HPRT1: variants seen among roughly 807,000 people sequenced by gnomAD.
The protein encoded by HPRT1 is hypoxanthine-guanine phosphoribosyltransferase.
In HPRT1, 4 loss-of-function variants were observed where a neutral mutation model predicts 19.0. That is an observed-to-expected ratio of 0.21 (90% CI 0.10 to 0.48). HPRT1 has a LOEUF of 0.48. Among genes scored for constraint, HPRT1 ranks in the 20% least tolerant of loss-of-function variants. HPRT1 has a pLI of 0.98. For synonymous variants in HPRT1, 53 were observed against 54.9 expected (o/e 0.97, Z 0.15); for missense variants, 65 against 164.0 (o/e 0.40, Z 3.30).
chrX:134,481,833 A>G (rs772013902), intron 3 of HPRT1, among the ~76,000 whole-genome samples: 9 of 108,336 alleles, frequency 8.3e-5, no homozygotes, highest in African/African-American at 3.2e-4. Context: ...AAATTTTGTG[A>G]AAAAAAATTA....
At chrX:134,472,867 G>A (rs747058957) in intron 1 of HPRT1, among the ~76,000 whole-genome samples, 1 of 110,604 alleles carries the variant, frequency 9.0e-6, no homozygotes, top group African/African-American at 3.3e-5. Context: ...GAGCCACCGC[G>A]CCCAGCCTGT....
chrX:134,498,844 G>A (rs2077688123), intron 8 of HPRT1, among the ~76,000 whole-genome samples, 160 bp downstream of exon 8: 1 of 112,418 alleles, frequency 8.9e-6, no homozygotes, highest in South Asian at 3.7e-4. Flanking sequence ...CTTAGAACTG[G>A]AACCTGGCCA....
At chrX:134,486,688 C>T (rs2077654214) in intron 4 of HPRT1, 158 bp downstream of exon 4, 1 of 466,848 alleles carries the variant, frequency 2.1e-6, no homozygotes, top group African/African-American at 2.4e-5. Flanking sequence ...TTCCCTAGGT[C>T]ATGTAGTAAA....
chrX:134,460,193 G>A lies in HPRT1; in HGVS notation c.-119G>A. On this transcript the variant is annotated 5_prime_UTR_variant, in exon 1 of 9. Coordinates refer to ENST00000298556, the MANE Select transcript of HPRT1 (RefSeq NM_000194.3). ...TTCAGGCGGCTGCGACGAGCCCTCAGGCGAACCTCTCGGCTTTCCCGCGCG... is the reference window on the plus strand; with the variant it reads ...TTCAGGCGGCTGCGACGAGCCCTCAAGCGAACCTCTCGGCTTTCCCGCGCG... 1 of 798,118 alleles carries A rather than the reference G, an allele frequency of 1.3e-6. No homozygotes were observed. Among genetic ancestry groups the A allele is most frequent in the South Asian group, 2.3e-5 (1 of 43,836 alleles). The allele number at this position is 798,118 out of a possible 1,213,427, so 65.8% of individuals were successfully genotyped here.
In HPRT1 at chrX:134,498,663, T is replaced by A. The variant is rs2077687711; in HGVS notation, c.588T>A (p.Asn196Lys). The A allele has an allele frequency of 8.6e-7, 1 of 1,167,916 alleles. No individual in the cohort carries two copies. Among genetic ancestry groups the A allele is most frequent in the Non-Finnish European group, 1.2e-6 (1 of 855,225 alleles). The stretch of plus-strand genomic sequence containing the variant: ...TTGTAGGATATGCCCTTGACTATAA[T>A]GAATACTTCAGGGATTTGAATGTAA... ...KFVVGYALDYNEYFRDLNHVC... is the reference protein window; with the variant it reads ...KFVVGYALDYKEYFRDLNHVC... Residue 196 changes from asparagine (N) to lysine (K), a missense_variant, in exon 8 of 9, where the codon AAT becomes AAA. Coordinates refer to ENST00000298556, the MANE Select transcript of HPRT1 (RefSeq NM_000194.3).
At chrX:134,462,626 C>T (rs982818296) in intron 1 of HPRT1, among the ~76,000 whole-genome samples, 3 of 112,205 alleles carry the variant, frequency 2.7e-5, no homozygotes, top group South Asian at 7.3e-4. Context: ...CCTAGGTAGA[C>T]GCTTTTAGCT....
At chrX:134,499,649 G>C (rs1391709785) in intron 8 of HPRT1, among the ~76,000 whole-genome samples, 2 of 108,756 alleles carry the variant, frequency 1.8e-5, no homozygotes, top group Admixed American at 2.0e-4. Context: ...CTAAAAAATA[G>C]AAAAAATTAG....
At chrX:134,490,352 A>G (rs1368756414) in intron 5 of HPRT1, 147 bp downstream of exon 5, 1 of 323,301 alleles carries the variant, frequency 3.1e-6, no homozygotes, top group East Asian at 4.8e-5. Flanking sequence ...GGTTTTTTGT[A>G]AAGACTACTT....
At chrX:134,490,445 ACT>A (rs1278492876) in intron 5 of HPRT1, among the ~76,000 whole-genome samples, 1 of 102,486 alleles carries the variant, frequency 9.8e-6, no homozygotes, top group African/African-American at 3.6e-5. Context: ...TCTAAACATA[ACT>A]CTCTCTCTCT....
At chrX:134,471,088 CTTTAA>C (rs2077609402) in intron 1 of HPRT1, among the ~76,000 whole-genome samples, 1 of 103,440 alleles carries the variant, frequency 9.7e-6, no homozygotes, top group African/African-American at 3.5e-5. Context: ...GTATATTTTG[CTTTAA>C]TTTAATGTAT....
At chrX:134,492,562 T>A (rs1473248387) in intron 5 of HPRT1, 5 of 328,027 alleles carry the variant, frequency 1.5e-5, no homozygotes, top group Non-Finnish European at 2.4e-5. Context: ...GCCCGTTTTC[T>A]CACTGGCTGC....
intron 3 of HPRT1, among the ~76,000 whole-genome samples, chrX:134,475,684 G>C (rs1281887057): frequency 8.9e-6 from 1 of 111,809 alleles, no homozygotes; most frequent in African/African-American, 3.3e-5. Flanking sequence ...GGTTTGTGGG[G>C]AGTCAAAAGT....
At chrX:134,488,286 C>T (rs1219284329) in intron 4 of HPRT1, among the ~76,000 whole-genome samples, 3 of 109,663 alleles carry the variant, frequency 2.7e-5, no homozygotes, top group Non-Finnish European at 3.8e-5. Context: ...TACAGGCGCA[C>T]GCCACCATGC....
chrX:134,499,276 C>T (rs1433294493), intron 8 of HPRT1, among the ~76,000 whole-genome samples: 1 of 110,092 alleles, frequency 9.1e-6, no homozygotes. Context: ...GTCAGGAGTT[C>T]GAGACCAGCC....
chrX:134,460,406 G>A, intron 1 of HPRT1, 68 bp downstream of exon 1: 2 of 921,657 alleles, frequency 2.2e-6, no homozygotes, highest in Non-Finnish European at 2.8e-6. Flanking sequence ...CGGGCCCTGA[G>A]GCGCGGGATC....
At position 134,493,280 on chromosome X, in the gene HPRT1, C is replaced by T. The variant is rs17887208; in HGVS notation, c.403-228C>T. Among the ~76,000 whole-genome samples the T allele has an allele frequency of 0.014, 1,574 of 111,235 alleles. 32 individuals are homozygous for T. The highest frequency in any genetic ancestry group is 0.049 in the African/African-American group (1,494 of 30,587). ...CTAATAAAATGTGCATGTATATATTCAAATTTGCTGTCATTGATCCTGCAC... is the reference window on the plus strand; with the variant it reads ...CTAATAAAATGTGCATGTATATATTTAAATTTGCTGTCATTGATCCTGCAC... On this transcript the variant is annotated intron_variant, in intron 5 of 8. Coordinates refer to ENST00000298556, the MANE Select transcript of HPRT1 (RefSeq NM_000194.3).
chrX:134,460,223 C>G lies in HPRT1; in HGVS notation c.-89C>G. 3.0e-6 allele frequency: 3 copies of G among 995,611 alleles called. No individual in the cohort carries two copies. The highest frequency in any genetic ancestry group is 6.5e-4 in the Middle Eastern group (2 of 3,095). The allele number at this position is 995,611 out of a possible 1,213,427, so 82.0% of individuals were successfully genotyped here. A position where few individuals can be genotyped will look rare whatever the true frequency, so the allele number is the denominator to read the frequency against. Reference sequence around the variant, plus strand: ...ACCTCTCGGCTTTCCCGCGCGGCGCCGCCTCTTGCTGCGCCTCCGCCTCCT... The same window carrying G: ...ACCTCTCGGCTTTCCCGCGCGGCGCGGCCTCTTGCTGCGCCTCCGCCTCCT... On this transcript the variant is annotated 5_prime_UTR_variant, in exon 1 of 9. Coordinates refer to ENST00000298556, the MANE Select transcript of HPRT1 (RefSeq NM_000194.3).
chrX:134,481,730 T>C (rs1284799259), intron 3 of HPRT1, among the ~76,000 whole-genome samples: 1 of 112,054 alleles, frequency 8.9e-6, no homozygotes, highest in Admixed American at 9.5e-5. Context: ...TTCACTTTGA[T>C]GTAGTCCTTA....
At chrX:134,472,294 A>AT (rs1432865838) in intron 1 of HPRT1, among the ~76,000 whole-genome samples, 2 of 111,066 alleles carry the variant, frequency 1.8e-5, no homozygotes, top group African/African-American at 6.5e-5. Flanking sequence ...GTTCAGTGTG[A>AT]TATTTTATCT....
Sources: allele counts gnomAD v4.1 joint callset (sites outside exome capture counted in the v4.1 genomes callset), GRCh38; gene constraint gnomAD v4.1.1; transcripts MANE v1.5; gene names NCBI Gene and HGNC (gene_info 2026-07-23, HGNC 2026-07-21).